MECOM: variants seen among roughly 807,000 people sequenced by gnomAD.
The protein encoded by MECOM is MDS1 and EVI1 complex locus, also known as histone-lysine N-methyltransferase MECOM.
Under a neutral mutation model 116.3 loss-of-function variants are expected in MECOM, and 13 were observed. The observed-to-expected ratio is 0.11, with a 90% CI of 0.07 to 0.18. The LOEUF (loss-of-function observed/expected upper bound fraction) is 0.18, where lower values mean the gene tolerates loss of function less well. Among genes scored for constraint, MECOM ranks in the 10% least tolerant of loss-of-function variants. The pLI is 1.00. For missense variants in MECOM, 1,299 were observed against 1,509.0 expected, an observed-to-expected ratio of 0.86 and a Z score of 2.31; for synonymous variants, 528 against 535.2, an observed-to-expected ratio of 0.99 and a Z score of 0.19.
intron 1 of MECOM, among the ~76,000 whole-genome samples, chr3:169,466,782 A>G (rs1314725108): frequency 1.3e-5 from 2 of 152,174 alleles, no homozygotes; most frequent in African/African-American, 4.8e-5. Context: ...AGCCTCTTCC[A>G]GCTGCCTTCT....
chr3:169,419,333 A>C (rs531703547), intron 1 of MECOM, among the ~76,000 whole-genome samples: 20 of 152,322 alleles, frequency 1.3e-4, no homozygotes, highest in South Asian at 1.0e-3. Context: ...AGTAATTTAT[A>C]GATTCAATGT....
intron 2 of MECOM, among the ~76,000 whole-genome samples, chr3:169,368,399 AC>A (rs1173679956): frequency 1.3e-5 from 2 of 152,026 alleles, no homozygotes; most frequent in African/African-American, 4.8e-5. Context: ...ATGTAAATAA[AC>A]TTTGAGATGT....
chr3:169,377,722 T>C (rs765399316), intron 2 of MECOM, among the ~76,000 whole-genome samples: 14 of 152,196 alleles, frequency 9.2e-5, no homozygotes, highest in Non-Finnish European at 1.5e-4. Flanking sequence ...ACACTGTTGG[T>C]GGGAGTATAA....
intron 2 of MECOM, among the ~76,000 whole-genome samples, chr3:169,343,790 C>G (rs971336054): frequency 6.6e-6 from 1 of 152,050 alleles, no homozygotes; most frequent in Non-Finnish European, 1.5e-5. Context: ...TTTTAAGGGA[C>G]CAACCTGACA....
chr3:169,497,455 C>A (rs530537473), intron 1 of MECOM, among the ~76,000 whole-genome samples: 1 of 152,074 alleles, frequency 6.6e-6, no homozygotes, highest in Admixed American at 6.6e-5. Context: ...AAGTGATTCT[C>A]CCGCCTCAGC....
At chr3:169,376,733 C>T (rs1235768056) in intron 2 of MECOM, among the ~76,000 whole-genome samples, 1 of 152,078 alleles carries the variant, frequency 6.6e-6, no homozygotes, top group Admixed American at 6.6e-5. Context: ...GAATCAATAT[C>T]ATGAAATTGG....
chr3:169,098,575 G>C (rs6771815), intron 12 of MECOM, among the ~76,000 whole-genome samples: 38,406 of 152,104 alleles, frequency 0.25, 5,077 homozygotes, highest in Non-Finnish European at 0.28. Context: ...TGCCAGGTTT[G>C]TCCATTATAA....
chr3:169,335,253 A>C (rs921316568), intron 2 of MECOM, among the ~76,000 whole-genome samples: 1 of 152,126 alleles, frequency 6.6e-6, no homozygotes, highest in Admixed American at 6.6e-5. Context: ...CCTTCAAATA[A>C]ATTGCACTAG....
At chr3:169,638,420 C>G (rs935049417) in intron 1 of MECOM, among the ~76,000 whole-genome samples, 1 of 152,084 alleles carries the variant, frequency 6.6e-6, no homozygotes, top group African/African-American at 2.4e-5. Flanking sequence ...AGTATTAGCC[C>G]CCTGCTACCA....
intron 1 of MECOM, among the ~76,000 whole-genome samples, chr3:169,615,433 G>A (rs1044755071): frequency 6.6e-6 from 1 of 152,178 alleles, no homozygotes; most frequent in African/African-American, 2.4e-5. Flanking sequence ...GAACTATTGA[G>A]ATTACTTATA....
chr3:169,557,096 G>T (rs1264008134), intron 1 of MECOM, among the ~76,000 whole-genome samples: 1 of 152,080 alleles, frequency 6.6e-6, no homozygotes, highest in Non-Finnish European at 1.5e-5. Context: ...CGGAAATGCT[G>T]CAAGTCCTGT....
chr3:169,631,193 C>T (rs942480273), intron 1 of MECOM, among the ~76,000 whole-genome samples: 4 of 152,236 alleles, frequency 2.6e-5, no homozygotes, highest in Non-Finnish European at 5.9e-5. Context: ...GTTTCCCAAA[C>T]TTCACTCATC....
intron 2 of MECOM, among the ~76,000 whole-genome samples, chr3:169,302,461 TCAAA>T (rs548538014): frequency 4.5e-4 from 69 of 152,340 alleles, no homozygotes; most frequent in Non-Finnish European, 8.8e-4. Context: ...TCTGGTGAAT[TCAAA>T]CAATTATTAC....
chr3:169,414,168 G>C (rs959091462), intron 1 of MECOM, among the ~76,000 whole-genome samples: 8 of 152,174 alleles, frequency 5.3e-5, no homozygotes, highest in Non-Finnish European at 1.2e-4. Context: ...GTGCCCCCCT[G>C]GTATGAAGCT....
chr3:169,120,700 A>G (rs568383708), intron 7 of MECOM, among the ~76,000 whole-genome samples: 6 of 152,272 alleles, frequency 3.9e-5, no homozygotes, highest in East Asian at 3.9e-4. Flanking sequence ...TTGTTTAGTG[A>G]TGGCTGCTAT....
In MECOM at chr3:169,196,077, G is replaced by A. The variant is rs556901645; in HGVS notation, c.376-52245C>T. ...CTTTTTATGTTTCTTCTCTCCTATC[G>A]TTATGAACTATAGGGATCCAGCATG... On this transcript the variant is annotated intron_variant, in intron 2 of 16. Transcript: ENST00000651503. 4.7e-3 allele frequency among the ~76,000 whole-genome samples: 721 copies of A among 151,954 alleles called. 7 individuals are homozygous for A. The highest frequency in any genetic ancestry group is 8.8e-3 in the Admixed American group (134 of 15,246).
At chr3:169,438,861 T>A (rs1743145411) in intron 1 of MECOM, among the ~76,000 whole-genome samples, 1 of 152,162 alleles carries the variant, frequency 6.6e-6, no homozygotes, top group Admixed American at 6.6e-5. Flanking sequence ...TAATTCATTA[T>A]TTTCAACCAA....
Position 169,584,292 on chromosome 3 carries a change from G to A in MECOM, c.37+79044C>T, listed in dbSNP as rs553614775. ...AATAAAGACAGAAGAAAGGCCGGGC[G>A]CGGGGGCTCACTCCTGTAATCCCAG... On this transcript the variant is annotated intron_variant, in intron 1 of 16. Coordinates refer to ENST00000651503, the MANE Select transcript of MECOM (RefSeq NM_004991.4). Among the ~76,000 whole-genome samples, 197 of 152,206 alleles carry A rather than the reference G, an allele frequency of 1.3e-3. 1 individual carries two copies. Among genetic ancestry groups the A allele is most frequent in the African/African-American group, 4.4e-3 (181 of 41,540 alleles).
At chr3:169,444,039 T>C (rs1744196209) in intron 1 of MECOM, among the ~76,000 whole-genome samples, 1 of 152,258 alleles carries the variant, frequency 6.6e-6, no homozygotes, top group Admixed American at 6.5e-5. Context: ...GGGCTCTTTC[T>C]TCGTACTGAT....
Sources: allele counts gnomAD v4.1 joint callset (sites outside exome capture counted in the v4.1 genomes callset), GRCh38; gene constraint gnomAD v4.1.1; transcripts MANE v1.5; gene names NCBI Gene and HGNC (gene_info 2026-07-23, HGNC 2026-07-21).